The following DTNB variants were observed in gnomAD, a reference collection of about 807,000 sequenced individuals.
DTNB encodes the protein DTN-B.
DTNB carries 63 observed loss-of-function variants against 90.7 expected under a neutral mutation model. The observed-to-expected ratio is 0.69, with a 90% CI of 0.57 to 0.86. The LOEUF (loss-of-function observed/expected upper bound fraction) is 0.86. DTNB is among the 40% of genes least tolerant of loss of function. The pLI is 0.00. For synonymous variants in DTNB, 277 were observed against 286.7 expected, an observed-to-expected ratio of 0.97 and a Z score of 0.34; for missense variants, 744 against 807.1, an observed-to-expected ratio of 0.92 and a Z score of 0.95.
At chr2:25,499,474 G>A (rs1351903261) in intron 9 of DTNB, among the ~76,000 whole-genome samples, 3 of 152,148 alleles carry the variant, frequency 2.0e-5, no homozygotes, top group Non-Finnish European at 4.4e-5. Context: ...GGGAACAGAC[G>A]AAGGATGTTA....
chr2:25,640,585 TTC>T (rs1312262412), intron 2 of DTNB, among the ~76,000 whole-genome samples: 1 of 152,186 alleles, frequency 6.6e-6, no homozygotes, highest in East Asian at 1.9e-4. Flanking sequence ...CAGTCCCACT[TTC>T]TCTTTTTAAA....
At position 25,524,901 on chromosome 2, in the gene DTNB, T is replaced by C. The variant is rs75685395; in HGVS notation, c.1001+6572A>G. 4.1e-3 allele frequency among the ~76,000 whole-genome samples: 629 copies of C among 152,314 alleles called. 4 individuals carry two copies. Among genetic ancestry groups the C allele is most frequent in the African/African-American group, 0.014 (588 of 41,560 alleles). On this transcript the variant is annotated intron_variant, in intron 9 of 20. Coordinates refer to ENST00000406818, the MANE Select transcript of DTNB (RefSeq NM_021907.5). The stretch of plus-strand genomic sequence containing the variant: ...TAATCTGCTACTATATTATTACTCG[T>C]GCTATCCTGAATATGTAATATTCAT...
chr2:25,545,011 T>C lies in DTNB; in HGVS notation c.877-13414A>G, dbSNP rs147321121. Among the ~76,000 whole-genome samples the C allele has an allele frequency of 4.3e-3, 657 of 152,348 alleles. 5 individuals are homozygous for C. Among genetic ancestry groups the C allele is most frequent in the African/African-American group, 0.015 (616 of 41,580 alleles). ...TGGGTAGAGAAATCTGGATTGATCT[T>C]TTTGTTCCACCCTTTATATCCTTTA... On this transcript the variant is annotated intron_variant, in intron 8 of 20. Transcript: ENST00000406818.
At chr2:25,606,797 G>A (rs961502642) in intron 5 of DTNB, among the ~76,000 whole-genome samples, 1 of 152,100 alleles carries the variant, frequency 6.6e-6, no homozygotes, top group Non-Finnish European at 1.5e-5. Context: ...AACTGTGGCT[G>A]ACTCTAGAGT....
chr2:25,383,741 GT>G, intron 19 of DTNB, 94 bp downstream of exon 19: 1 of 1,611,222 alleles, frequency 6.2e-7, no homozygotes, highest in Non-Finnish European at 8.5e-7. Flanking sequence ...GGGAAAGGTG[GT>G]GGCAGGGAGG....
chr2:25,525,372 C>G (rs1449339832), intron 9 of DTNB, among the ~76,000 whole-genome samples: 1 of 152,168 alleles, frequency 6.6e-6, no homozygotes, highest in Non-Finnish European at 1.5e-5. Context: ...AAGCTGGGCG[C>G]AGTGGCTCAC....
Position 25,417,282 on chromosome 2 carries a change from T to A in DTNB, c.1575+2233A>T, listed in dbSNP as rs77007952. On this transcript the variant is annotated intron_variant, in intron 16 of 20. Transcript: ENST00000406818. ...AGAGGCAGGCTTCAGCAGTCTAGGT[T>A]CTCATTTTGCCAACTTCAAGGGGAT... Among the ~76,000 whole-genome samples, 17 of 152,264 alleles carry A rather than the reference T, an allele frequency of 1.1e-4. No individual in the cohort carries two copies. The East Asian group carries it at 3.3e-3, about 29-fold the overall frequency.
chr2:25,496,377 T>C (rs2068846148), intron 9 of DTNB, among the ~76,000 whole-genome samples: 1 of 152,202 alleles, frequency 6.6e-6, no homozygotes, highest in Non-Finnish European at 1.5e-5. Flanking sequence ...AAGGATGGCA[T>C]CTTAAATGCT....
chr2:25,420,521 T>TCTGC (rs2049302566), intron 15 of DTNB, among the ~76,000 whole-genome samples: 1 of 89,586 alleles, frequency 1.1e-5, no homozygotes, highest in African/African-American at 3.3e-5. Flanking sequence ...TATCTATCTA[T>TCTGC]CTGTCTGTCT....
intron 9 of DTNB, among the ~76,000 whole-genome samples, chr2:25,526,362 AATATATAT>A (rs1273988960): frequency 6.0e-5 from 6 of 99,788 alleles, no homozygotes; most frequent in South Asian, 3.2e-4. Context: ...AATATATATA[AATATATAT>A]ATATATATAT....
At chr2:25,553,363 T>G (rs1017540482) in intron 8 of DTNB, among the ~76,000 whole-genome samples, 1 of 152,162 alleles carries the variant, frequency 6.6e-6, no homozygotes, top group Non-Finnish European at 1.5e-5. Context: ...TAATTTTGAT[T>G]AACATATGAG....
intron 8 of DTNB, among the ~76,000 whole-genome samples, chr2:25,550,346 G>A (rs543016862): frequency 1.1e-4 from 16 of 152,016 alleles, no homozygotes; most frequent in East Asian, 5.8e-4. Context: ...AGCCGAGATC[G>A]CGCCACTGCA....
At chr2:25,597,089 A>G (rs1458891958) in intron 5 of DTNB, among the ~76,000 whole-genome samples, 3 of 152,196 alleles carry the variant, frequency 2.0e-5, no homozygotes, top group African/African-American at 7.2e-5. Context: ...CAGAAAAATC[A>G]TTTCCTGAGG....
At position 25,583,358 on chromosome 2, in the gene DTNB, G is replaced by A. The variant is rs184749389; in HGVS notation, c.604-2532C>T. On this transcript the variant is annotated intron_variant, in intron 6 of 20. Transcript: ENST00000406818. ...AAATTTTTAGCTAGTAAAAAGTAGC[G>A]AACAAAATTAAATGTATCATATCCT... Among the ~76,000 whole-genome samples, 717 of 150,922 alleles carry A rather than the reference G, an allele frequency of 4.8e-3. 3 individuals are homozygous for A. Among genetic ancestry groups the A allele is most frequent in the South Asian group, 8.3e-3 (40 of 4,796 alleles).
intron 12 of DTNB, among the ~76,000 whole-genome samples, chr2:25,437,678 TAAC>T (rs1449748523): frequency 6.6e-6 from 1 of 152,218 alleles, no homozygotes; most frequent in African/African-American, 2.4e-5. Context: ...AATGATTTCA[TAAC>T]AACATAGGAG....
chr2:25,398,592 A>G (rs762314891), intron 16 of DTNB, among the ~76,000 whole-genome samples: 1 of 152,248 alleles, frequency 6.6e-6, no homozygotes, highest in Non-Finnish European at 1.5e-5. Flanking sequence ...GATGAGATAT[A>G]CATCACGCAA....
At chr2:25,401,629 G>C (rs536417010) in intron 16 of DTNB, among the ~76,000 whole-genome samples, 1 of 152,330 alleles carries the variant, frequency 6.6e-6, no homozygotes, top group Non-Finnish European at 1.5e-5. Flanking sequence ...TTTCCTCATG[G>C]AATAGGGAAG....
intron 3 of DTNB, among the ~76,000 whole-genome samples, chr2:25,629,772 G>A (rs909992782): frequency 6.6e-6 from 1 of 152,064 alleles, no homozygotes; most frequent in Admixed American, 6.5e-5. Flanking sequence ...CTGATAAAGG[G>A]CATCTACAAC....
At position 25,432,960 on chromosome 2, in the gene DTNB, G is replaced by C. The variant is rs200244787; in HGVS notation, c.1383C>G (p.His461Gln). Reference sequence around the variant, plus strand: ...CAGGGGTGGGCTGGGAGGCCTGCTCGTGTTCCAGGCGGAGACGCTGAATCT... The same window carrying C: ...CAGGGGTGGGCTGGGAGGCCTGCTCCTGTTCCAGGCGGAGACGCTGAATCT... ...LQEIQRLRLE[H>Q]EQASQPTPEK... The change falls in exon 14 of 21, where the codon CAC (histidine) becomes CAG (glutamine). Residue 461 changes from histidine (H) to glutamine (Q), a missense_variant. Transcript: ENST00000406818. 8.4e-5 allele frequency: 135 copies of C among 1,610,792 alleles called. No individual in the cohort carries two copies. Among genetic ancestry groups the C allele is most frequent in the Middle Eastern group, 1.6e-4 (1 of 6,080 alleles).
Sources: gnomAD v4.1 joint callset for allele counts (sites outside exome capture counted in the v4.1 genomes callset) on GRCh38, gnomAD v4.1.1 for gene constraint, MANE v1.5 for transcripts, NCBI Gene and HGNC (gene_info 2026-07-23, HGNC 2026-07-21) for gene names.